LPCAT3: variants seen among roughly 807,000 people sequenced by gnomAD.
The protein encoded by LPCAT3 is lysophosphatidylcholine acyltransferase 3.
In LPCAT3, 21 loss-of-function variants were observed where a neutral mutation model predicts 63.4. The observed-to-expected ratio is 0.33, with a 90% CI of 0.23 to 0.48. The LOEUF (loss-of-function observed/expected upper bound fraction) is 0.48. Ranked by LOEUF, LPCAT3 falls within the 20% of genes least tolerant of loss-of-function variation. The pLI, the probability that LPCAT3 is intolerant of heterozygous loss-of-function variation, is 0.99. For synonymous variants in LPCAT3, 242 were observed against 227.5 expected (o/e 1.06, Z -0.58); for missense variants, 451 against 590.6 (o/e 0.76, Z 2.45).
At chr12:6,981,730 GA>G (rs1367487567) in intron 4 of LPCAT3, 80 bp downstream of exon 4, 7 of 1,297,084 alleles carry the variant, frequency 5.4e-6, no homozygotes, top group African/African-American at 4.4e-5. Flanking sequence ...GCGGGGGGCG[GA>G]GGGGGGGTGC....
At chr12:7,012,468 G>C (rs1173652485) in intron 1 of LPCAT3, among the ~76,000 whole-genome samples, 8 of 152,160 alleles carry the variant, frequency 5.3e-5, no homozygotes, top group African/African-American at 1.9e-4. Context: ...TAACTGGCAG[G>C]TTTAGGTGGG....
Position 6,977,925 on chromosome 12 carries a change from A to T in LPCAT3, c.1041-180T>A. 1 of 694,390 alleles carries T rather than the reference A, an allele frequency of 1.4e-6. No homozygotes were observed. Among genetic ancestry groups the T allele is most frequent in the South Asian group, 1.8e-5 (1 of 54,362 alleles). The allele number at this position is 694,390 out of a possible 1,614,324, so 43.0% of individuals were successfully genotyped here. On this transcript the variant is annotated intron_variant, in intron 9 of 12. Coordinates refer to ENST00000261407, the MANE Select transcript of LPCAT3 (RefSeq NM_005768.6). This position sits in a 1 kb window ranked among gnomAD's most constrained non-coding sequence, Gnocchi z 4.5. ...CTTTTAGAGATGGAAAGCAGACCCA[A>T]GGCGGAGCTGGAGACCGTGTGCGCA...
chr12:6,978,066 G>A (rs1946429178), intron 9 of LPCAT3: 2 of 560,074 alleles, frequency 3.6e-6, no homozygotes, highest in Non-Finnish European at 6.3e-6. Flanking sequence ...TAAAGCTGTT[G>A]ATAAACAGGG....
intron 1 of LPCAT3, among the ~76,000 whole-genome samples, chr12:7,012,660 A>G (rs997776393): frequency 6.6e-6 from 1 of 152,160 alleles, no homozygotes; most frequent in African/African-American, 2.4e-5. Flanking sequence ...TTATGATACC[A>G]ATACTGTCTC....
chr12:7,016,906 TTTA>T (rs1555157662), intron 1 of LPCAT3, among the ~76,000 whole-genome samples: 8 of 152,244 alleles, frequency 5.3e-5, no homozygotes. Flanking sequence ...AAAGGTGATC[TTTA>T]TTTGGAAGAA....
chr12:6,992,814 C>T (rs1437846050), intron 1 of LPCAT3, among the ~76,000 whole-genome samples: 1 of 152,158 alleles, frequency 6.6e-6, no homozygotes, highest in Non-Finnish European at 1.5e-5. Context: ...CTAGTACTCG[C>T]AGCAGACACC....
At chr12:6,982,619 C>T in intron 3 of LPCAT3, 57 bp downstream of exon 3, 2 of 1,322,268 alleles carry the variant, frequency 1.5e-6, no homozygotes, top group South Asian at 1.2e-5. Context: ...CCTGCCTACC[C>T]CTGTCCCCTG....
Position 7,001,864 on chromosome 12 carries a change from G to A in LPCAT3, c.151+16410C>T, listed in dbSNP as rs969566819. Among the ~76,000 whole-genome samples, 3 of 152,232 alleles carry A rather than the reference G, an allele frequency of 2.0e-5. No individual in the cohort carries two copies. In the East Asian group the frequency reaches 5.8e-4, roughly 29 times the overall value. On this transcript the variant is annotated intron_variant, in intron 1 of 12. Transcript: ENST00000261407. ...ATGACATTGGAAAAGAAGGGGAGGA[G>A]AAAAAGAGTCCATATGAGGCAAGAA...
chr12:7,016,099 A>AT lies in LPCAT3; in HGVS notation c.151+2174dup, dbSNP rs1201316145. Among the ~76,000 whole-genome samples, 464 of 143,462 alleles carry AT rather than the reference A, an allele frequency of 3.2e-3. 3 individuals are homozygous for AT. The highest frequency in any genetic ancestry group is 0.018 in the Middle Eastern group (5 of 274). 94.1% of individuals were successfully genotyped at this position (143,462 alleles called of 152,430 possible). A position where few individuals can be genotyped will look rare whatever the true frequency, so the allele number is the denominator to read the frequency against. On this transcript the variant is annotated intron_variant, in intron 1 of 12. Coordinates refer to ENST00000261407, the MANE Select transcript of LPCAT3 (RefSeq NM_005768.6). Reference sequence around the variant, plus strand: ...TTTCCTAACTAATGAATGTAATACAATTTTTTTTTTTTTTTGAGACAGGGT... The same window carrying AT: ...TTTCCTAACTAATGAATGTAATACAATTTTTTTTTTTTTTTTGAGACAGGGT...
rs1946417866 is a variant in LPCAT3, at chr12:6,977,412, G to A, written c.1302C>T (p.Tyr434=). The A allele has an allele frequency of 2.5e-6, 4 of 1,614,094 alleles. No homozygotes were observed. Among genetic ancestry groups the A allele is most frequent in the South Asian group, 1.1e-5 (1 of 91,090 alleles). ...QQTIHWLFMG[Y]SMTAFCLFTW... ...TGAAGAGGCAGAAGGCAGTCATGGA[G>A]TAACCCATGAAGAGCCAGTGGATGG... The change falls in exon 11 of 13, where the codon TAC becomes TAT. Residue 434 remains tyrosine, a synonymous_variant. Coordinates refer to ENST00000261407, the MANE Select transcript of LPCAT3 (RefSeq NM_005768.6). This position sits in a 1 kb window ranked among gnomAD's most constrained non-coding sequence, Gnocchi z 4.5.
intron 1 of LPCAT3, among the ~76,000 whole-genome samples, chr12:6,999,077 T>C (rs1247618387): frequency 6.6e-6 from 1 of 152,218 alleles, no homozygotes; most frequent in Non-Finnish European, 1.5e-5. Context: ...GATGTCCAGA[T>C]AACAATCTAT....
At chr12:7,008,503 G>GT (rs1271706422) in intron 1 of LPCAT3, among the ~76,000 whole-genome samples, 1 of 152,120 alleles carries the variant, frequency 6.6e-6, no homozygotes, top group Non-Finnish European at 1.5e-5. Context: ...ATTAAGAAAC[G>GT]TAAGGAGATC....
At chr12:7,006,566 T>A (rs1387536663) in intron 1 of LPCAT3, among the ~76,000 whole-genome samples, 1 of 152,232 alleles carries the variant, frequency 6.6e-6, no homozygotes, top group African/African-American at 2.4e-5. Context: ...GGAGTTCCCA[T>A]GTTTTGCTAT....
intron 5 of LPCAT3, 199 bp from the exon 6 acceptor site, chr12:6,981,381 T>G (rs1555154044): frequency 1.5e-6 from 1 of 673,682 alleles, no homozygotes; most frequent in Non-Finnish European, 2.5e-6. Context: ...GCAAATGCCT[T>G]GCTGGCATTG....
chr12:7,017,295 C>G lies in LPCAT3; in HGVS notation c.151+979G>C, dbSNP rs1370871649. ...TTTTATGTATATATATGTACAGGTA[C>G]TTCCCAATCTTGGCCCTTCTACAGG... On this transcript the variant is annotated intron_variant, in intron 1 of 12. Coordinates refer to ENST00000261407, the MANE Select transcript of LPCAT3 (RefSeq NM_005768.6). The surrounding 1 kb of genome is among the most constrained non-coding windows in gnomAD (Gnocchi z 4.1). Among the ~76,000 whole-genome samples, 1 of 152,196 alleles carries G rather than the reference C, an allele frequency of 6.6e-6. No individual in the cohort carries two copies. Among genetic ancestry groups the G allele is most frequent in the Non-Finnish European group, 1.5e-5 (1 of 68,034 alleles).
intron 1 of LPCAT3, among the ~76,000 whole-genome samples, chr12:7,008,646 G>A (rs1284193093): frequency 3.9e-5 from 6 of 152,110 alleles, no homozygotes; most frequent in Middle Eastern, 3.4e-3. Context: ...CAGCTACTCC[G>A]GAGGCTGAGG....
Position 6,978,425 on chromosome 12 carries a change from A to G in LPCAT3, c.956T>C (p.Met319Thr), listed in dbSNP as rs1946434126. ...GKAKWDACAN[M>T]KVWLFETNPR... is the part of the protein sequence containing the mutation. ...GTTTGTTTCAAAGAGCCACACCTTC[A>G]TGTTGGCACAGGCATCCCACTTTGC... Residue 319 changes from methionine (M) to threonine (T), a missense_variant, in exon 9 of 13, where the codon ATG (methionine) becomes ACG (threonine). Met to Thr is a moderately conservative substitution (Grantham distance 81, BLOSUM62 -1). Coordinates refer to ENST00000261407, the MANE Select transcript of LPCAT3 (RefSeq NM_005768.6). 6.2e-7 allele frequency: 1 copy of G among 1,614,126 alleles called. No individual in the cohort carries two copies. The highest frequency in any genetic ancestry group is 1.3e-5 in the African/African-American group (1 of 75,036).
chr12:7,001,570 C>A (rs1196821104), intron 1 of LPCAT3: 1 of 452,158 alleles, frequency 2.2e-6, no homozygotes, highest in Non-Finnish European at 4.5e-6. Flanking sequence ...TTGGTAGGAT[C>A]CTGGCTGTGA....
chr12:7,011,427 C>T (rs984905037), intron 1 of LPCAT3, among the ~76,000 whole-genome samples: 2 of 152,116 alleles, frequency 1.3e-5, no homozygotes, highest in African/African-American at 4.8e-5. Flanking sequence ...TGGTGGATTG[C>T]TTGAGCTCAG....
Sources: gnomAD v4.1 joint callset for allele counts (sites outside exome capture counted in the v4.1 genomes callset) on GRCh38, gnomAD v4.1.1 for gene constraint, Gnocchi (gnomAD v3.1) non-coding constraint, MANE v1.5 for transcripts, NCBI Gene and HGNC (gene_info 2026-07-23, HGNC 2026-07-21) for gene names.